The following WRAP73 variants were observed in gnomAD, a reference collection of about 807,000 sequenced individuals.
The protein encoded by WRAP73 is WD repeat-containing protein WRAP73.
A neutral mutation model predicts 59.6 loss-of-function variants in WRAP73; 55 were observed. That is an observed-to-expected ratio of 0.92 (90% CI 0.74 to 1.15). The LOEUF (loss-of-function observed/expected upper bound fraction) is 1.15. Among genes scored for constraint, WRAP73 ranks in the 50% most tolerant of loss-of-function variants. The pLI, the probability that WRAP73 is intolerant of heterozygous loss-of-function variation, is 0.00. For missense variants in WRAP73, 592 were observed against 608.1 expected (o/e 0.97, Z 0.28); for synonymous variants, 265 against 258.2 (o/e 1.03, Z -0.25).
rs1333221656 is a variant in WRAP73, at chr1:3,632,226, C to G, written c.1035G>C (p.Leu345=). 5.6e-6 allele frequency: 9 copies of G among 1,613,582 alleles called. No individual in the cohort carries two copies. Among genetic ancestry groups the G allele is most frequent in the Non-Finnish European group, 7.6e-6 (9 of 1,179,752 alleles). ...AGCACAACTGACCGTTCCTTGTCGC[C>G]AGGAAGTAGCTGTCAGGACTAAATG... ...MLAFSPDSYF[L]ATRNDNIPNA... is the part of the protein sequence containing the mutation. The change falls in exon 10 of 12, where the codon CTG becomes CTC. Residue 345 remains leucine, a synonymous_variant. Transcript: ENST00000270708.
chr1:3,637,567 C>T (rs1236662603), intron 4 of WRAP73, among the ~76,000 whole-genome samples: 1 of 152,304 alleles, frequency 6.6e-6, no homozygotes, highest in African/African-American at 2.4e-5. Context: ...TGTGGCCAGG[C>T]ATGGTGGCTC....
At chr1:3,632,838 CCCCCATCCTGAG>C (rs1290803483) in intron 9 of WRAP73, 2 of 229,466 alleles carry the variant, frequency 8.7e-6, no homozygotes, top group African/African-American at 4.7e-5. Flanking sequence ...CCTGTCCTGA[CCCCCATCCTGAG>C]CACACACCGA....
chr1:3,632,114 C>T (rs1266860007), intron 10 of WRAP73, 99 bp downstream of exon 10: 25 of 1,513,732 alleles, frequency 1.7e-5, no homozygotes, highest in African/African-American at 4.2e-5. Context: ...GGTGACGTGT[C>T]GGAAACCCCC....
chr1:3,647,643 A>G, intron 1 of WRAP73, 83 bp from the exon 2 acceptor site: 3 of 1,482,642 alleles, frequency 2.0e-6, no homozygotes, highest in Non-Finnish European at 2.7e-6. Context: ...CCTGGCCTTC[A>G]GTGACTGTGG....
At position 3,646,360 on chromosome 1, in the gene WRAP73, C is replaced by T. The variant is rs1006290038; in HGVS notation, c.339+306G>A. 1.3e-5 allele frequency among the ~76,000 whole-genome samples: 2 copies of T among 152,188 alleles called. No individual in the cohort carries two copies. The highest frequency in any genetic ancestry group is 1.3e-4 in the Admixed American group (2 of 15,286). On this transcript the variant is annotated intron_variant, in intron 3 of 11. Transcript: ENST00000270708. The surrounding 1 kb of genome is among the most constrained non-coding windows in gnomAD (Gnocchi z 5.1). ...TTGTTGCTCAGATCTTCAGTAAGAC[C>T]AAATCTTCTATCCATGCAATTATAA...
chr1:3,649,802 C>A, intron 1 of WRAP73, 129 bp downstream of exon 1: 1 of 982,480 alleles, frequency 1.0e-6, no homozygotes, highest in Non-Finnish European at 1.5e-6. Flanking sequence ...CCGGGCCCCG[C>A]ACCTGTCCGG....
chr1:3,632,455 G>A, intron 9 of WRAP73, 117 bp from the exon 10 acceptor site: 1 of 1,546,040 alleles, frequency 6.5e-7, no homozygotes, highest in Non-Finnish European at 8.9e-7. Flanking sequence ...GTTCAAAGGG[G>A]AGGAAAGTGC....
At chr1:3,633,978 GC>G (rs1451435139) in intron 8 of WRAP73, 1 of 158,146 alleles carries the variant, frequency 6.3e-6, no homozygotes, top group Non-Finnish European at 1.4e-5. Context: ...CCCCTGAAGA[GC>G]CCCAGGTAAG....
chr1:3,632,121 C>G, intron 10 of WRAP73, 92 bp downstream of exon 10: 1 of 1,520,018 alleles, frequency 6.6e-7, no homozygotes, highest in Non-Finnish European at 8.8e-7. Flanking sequence ...TGTCGGAAAC[C>G]CCCAACTTCA....
rs1485942772 is a variant in WRAP73, at chr1:3,650,056, C to T, written c.-57G>A. 1.3e-6 allele frequency: 2 copies of T among 1,489,344 alleles called. No individual in the cohort carries two copies. Among genetic ancestry groups the T allele is most frequent in the Non-Finnish European group, 1.8e-6 (2 of 1,110,894 alleles). 92.3% of individuals were successfully genotyped at this position (1,489,344 alleles called of 1,614,324 possible). A position where few individuals can be genotyped will look rare whatever the true frequency, so the allele number is the denominator to read the frequency against. On this transcript the variant is annotated 5_prime_UTR_variant, in exon 1 of 12. Coordinates refer to ENST00000270708, the MANE Select transcript of WRAP73 (RefSeq NM_017818.4). ...CCCGAAAACCCGCGGGACCCCTGGG[C>T]GCGCAGCAGGCTGCAACAGCCGACG...
intron 4 of WRAP73, among the ~76,000 whole-genome samples, chr1:3,637,981 G>C (rs142820222): frequency 6.6e-6 from 1 of 152,254 alleles, no homozygotes; most frequent in Non-Finnish European, 1.5e-5. Context: ...ACGAAACCAC[G>C]GTGTCCACTC....
intron 1 of WRAP73, among the ~76,000 whole-genome samples, chr1:3,648,649 T>A (rs557637820): frequency 2.0e-5 from 3 of 152,320 alleles, no homozygotes; most frequent in Non-Finnish European, 4.4e-5. Flanking sequence ...AAGAAGATGA[T>A]TCCAGTAACA....
chr1:3,646,839 G>T lies in WRAP73; in HGVS notation c.223-57C>A. The T allele has an allele frequency of 6.7e-7, 1 of 1,483,698 alleles. No homozygotes were observed. The highest frequency in any genetic ancestry group is 1.4e-5 in the African/African-American group (1 of 71,312). 91.9% of individuals were successfully genotyped at this position (1,483,698 alleles called of 1,614,324 possible). A position where few individuals can be genotyped will look rare whatever the true frequency, so the allele number is the denominator to read the frequency against. On this transcript the variant is annotated intron_variant, in intron 2 of 11. Transcript: ENST00000270708. This position sits in a 1 kb window ranked among gnomAD's most constrained non-coding sequence, Gnocchi z 5.1. Reference sequence around the variant, plus strand: ...GCAAACTCATCAGCACCGAGAGACAGCGAGGACAGCTCGCTTAAACGCAGC... The same window carrying T: ...GCAAACTCATCAGCACCGAGAGACATCGAGGACAGCTCGCTTAAACGCAGC...
rs777122416 is a variant in WRAP73 at position 3,647,515 on chromosome 1, G to T, written c.115C>A (p.Leu39Ile). Residue 39 changes from leucine (L) to isoleucine (I), a missense_variant, in exon 2 of 12, where the codon CTT becomes ATT. Transcript: ENST00000270708. Reference sequence around the variant, plus strand: ...CACGTGTACAGCTGAAGGATCTGAAGGGTGTTCACATCCCGGACCACTAAC... The same window carrying T: ...CACGTGTACAGCTGAAGGATCTGAATGGTGTTCACATCCCGGACCACTAAC... Reference protein sequence around the residue: ...YRLVVRDVNTLQILQLYTCLD... With the variant: ...YRLVVRDVNTIQILQLYTCLD... 5 of 1,613,820 alleles carry T rather than the reference G, an allele frequency of 3.1e-6. No homozygotes were observed. The African/African-American group carries it at 6.7e-5, about 22-fold the overall frequency.
chr1:3,642,213 C>A (rs1451733286), intron 3 of WRAP73, among the ~76,000 whole-genome samples: 3 of 152,126 alleles, frequency 2.0e-5, no homozygotes, highest in Non-Finnish European at 2.9e-5. Context: ...CAAAGGGAGA[C>A]CCCAACTCTA....
intron 3 of WRAP73, among the ~76,000 whole-genome samples, chr1:3,642,737 CAAA>C (rs35743795): frequency 1.1e-3 from 109 of 96,574 alleles, no homozygotes; most frequent in Middle Eastern, 5.6e-3. Flanking sequence ...AACTCCATCT[CAAA>C]AAAAAAAAAA....
At position 3,638,778 on chromosome 1, in the gene WRAP73, G is replaced by A. The variant is rs751475137; in HGVS notation, c.384C>T (p.Tyr128=). 1.6e-5 allele frequency: 26 copies of A among 1,614,194 alleles called. No homozygotes were observed. The highest frequency in any genetic ancestry group is 8.9e-5 in the East Asian group (4 of 44,886). ...VWSLCTKSVS[Y]IKYPKACLQG... ...GCAGACAAGCTTTCGGGTATTTGAT[G>A]TAAGACACGGATTTTGTGCACAAGG... is the stretch of plus-strand genomic sequence containing the variant. The change falls in exon 4 of 12, where the codon TAC becomes TAT. Residue 128 remains tyrosine (Y), a synonymous_variant. Coordinates refer to ENST00000270708, the MANE Select transcript of WRAP73 (RefSeq NM_017818.4).
chr1:3,634,421 C>T (rs576949712), intron 8 of WRAP73: 24 of 165,558 alleles, frequency 1.4e-4, no homozygotes, highest in Admixed American at 3.9e-4. Flanking sequence ...GATGCGTGGC[C>T]CACTCCTCGG....
chr1:3,640,532 CTGAG>C (rs1644632040), intron 3 of WRAP73, among the ~76,000 whole-genome samples: 1 of 126,842 alleles, frequency 7.9e-6, no homozygotes, highest in African/African-American at 3.6e-5. Context: ...GCCCGAGGCT[CTGAG>C]CATCAGCAGG....
Sources: allele counts gnomAD v4.1 joint callset (sites outside exome capture counted in the v4.1 genomes callset), GRCh38; gene constraint gnomAD v4.1.1; non-coding constraint Gnocchi (gnomAD v3.1); transcripts MANE v1.5; gene names NCBI Gene and HGNC (gene_info 2026-07-23, HGNC 2026-07-21).